The following NRXN3 variants were observed in gnomAD, a reference collection of about 807,000 sequenced individuals.
NRXN3 encodes the protein neurexin III.
A neutral mutation model predicts 137.6 loss-of-function variants in NRXN3; 32 were observed. The ratio of observed to expected loss-of-function variants is 0.23; its 90% CI spans 0.18 to 0.31. The LOEUF (loss-of-function observed/expected upper bound fraction) is 0.31, where lower values mean the gene tolerates loss of function less well. NRXN3 is among the 10% of genes least tolerant of loss of function. NRXN3 has a pLI of 1.00. For missense variants in NRXN3, 1,574 were observed against 2,062.5 expected, an observed-to-expected ratio of 0.76 and a Z score of 4.59; for synonymous variants, 798 against 784.5, an observed-to-expected ratio of 1.02 and a Z score of -0.29.
chr14:79,104,041 T>G (rs188873895), intron 15 of NRXN3, among the ~76,000 whole-genome samples: 3 of 152,294 alleles, frequency 2.0e-5, no homozygotes, highest in African/African-American at 7.2e-5. Context: ...TGCACAGATG[T>G]GCACATTTCA....
At chr14:79,860,807 A>G (rs1047099530) in intron 20 of NRXN3, among the ~76,000 whole-genome samples, 1 of 152,208 alleles carries the variant, frequency 6.6e-6, no homozygotes, top group Non-Finnish European at 1.5e-5. Flanking sequence ...TTATCTAAAT[A>G]ATTACTTGAG....
At chr14:78,886,355 C>T (rs2099143711) in intron 10 of NRXN3, among the ~76,000 whole-genome samples, 2 of 152,034 alleles carry the variant, frequency 1.3e-5, no homozygotes, top group South Asian at 4.1e-4. Flanking sequence ...GTGCCTGATA[C>T]AGAGTTCAGT....
At chr14:79,511,774 C>T (rs1383456868) in intron 16 of NRXN3, among the ~76,000 whole-genome samples, 2 of 152,188 alleles carry the variant, frequency 1.3e-5, no homozygotes, top group African/African-American at 4.8e-5. Flanking sequence ...CTTGCCTCAA[C>T]TGGATGAACT....
At chr14:78,756,930 T>C (rs2098671203) in intron 8 of NRXN3, among the ~76,000 whole-genome samples, 1 of 152,242 alleles carries the variant, frequency 6.6e-6, no homozygotes, top group Admixed American at 6.5e-5. Flanking sequence ...GCTGTTTAAG[T>C]GTTTAACAGG....
At chr14:78,384,594 A>G (rs984110740) in intron 4 of NRXN3, among the ~76,000 whole-genome samples, 1 of 152,178 alleles carries the variant, frequency 6.6e-6, no homozygotes, top group Non-Finnish European at 1.5e-5. Context: ...AACATGAAAA[A>G]TGTAGACCCA....
intron 1 of NRXN3, among the ~76,000 whole-genome samples, chr14:78,181,813 C>T (rs2059833787): frequency 6.6e-6 from 1 of 152,152 alleles, no homozygotes; most frequent in Non-Finnish European, 1.5e-5. Context: ...ACTCTCAGAG[C>T]TGGAAGGGAC....
At chr14:79,304,851 C>T (rs750325464) in intron 15 of NRXN3, among the ~76,000 whole-genome samples, 4 of 152,062 alleles carry the variant, frequency 2.6e-5, no homozygotes, top group Non-Finnish European at 4.4e-5. Context: ...CTTAACACCA[C>T]GCCTTCAATA....
chr14:79,168,929 C>T lies in NRXN3; in HGVS notation c.3262+180788C>T, dbSNP rs564850002. Reference sequence around the variant, plus strand: ...TACAAATTCCTCCAAGTTAAGGGAACATGGAGACTATGGGCACTTCTCTGA... The same window carrying T: ...TACAAATTCCTCCAAGTTAAGGGAATATGGAGACTATGGGCACTTCTCTGA... On this transcript the variant is annotated intron_variant, in intron 15 of 20. Transcript: ENST00000335750. 6.6e-4 allele frequency among the ~76,000 whole-genome samples: 101 copies of T among 152,170 alleles called. 1 individual carries two copies. The highest frequency in any genetic ancestry group is 2.3e-3 in the African/African-American group (95 of 41,544).
chr14:79,093,125 A>C (rs562803597), intron 15 of NRXN3, among the ~76,000 whole-genome samples: 22 of 152,202 alleles, frequency 1.4e-4, no homozygotes, highest in African/African-American at 5.1e-4. Flanking sequence ...TTGTCAAAGG[A>C]TACTACAGAT....
chr14:78,426,432 G>A (rs528141274), intron 4 of NRXN3, among the ~76,000 whole-genome samples: 2 of 152,320 alleles, frequency 1.3e-5, no homozygotes, highest in African/African-American at 4.8e-5. Flanking sequence ...TACTCTTCTA[G>A]GTTCCTGGCT....
intron 4 of NRXN3, among the ~76,000 whole-genome samples, chr14:78,456,952 T>C (rs2094752514): frequency 6.8e-6 from 1 of 147,410 alleles, no homozygotes; most frequent in Admixed American, 6.8e-5. Context: ...TTCCCTTCCC[T>C]TCCTTGCTTC....
intron 15 of NRXN3, among the ~76,000 whole-genome samples, chr14:79,372,890 C>T (rs1283586133): frequency 1.3e-5 from 2 of 152,020 alleles, no homozygotes; most frequent in African/African-American, 4.8e-5. Flanking sequence ...CATTAGTAGA[C>T]ATCATTGAGC....
intron 6 of NRXN3, among the ~76,000 whole-genome samples, chr14:78,656,709 G>A (rs546134569): frequency 6.6e-6 from 1 of 152,208 alleles, no homozygotes; most frequent in East Asian, 1.9e-4. Context: ...TTCCCCTGAT[G>A]TATGTTTTTG....
intron 15 of NRXN3, among the ~76,000 whole-genome samples, chr14:79,285,263 C>T (rs1472218214): frequency 1.3e-5 from 2 of 152,160 alleles, no homozygotes; most frequent in Non-Finnish European, 2.9e-5. Context: ...GCTTTCACCT[C>T]AGATTTTGAA....
chr14:79,351,039 T>A (rs750604607), intron 15 of NRXN3, among the ~76,000 whole-genome samples: 2 of 152,144 alleles, frequency 1.3e-5, no homozygotes, highest in African/African-American at 2.4e-5. Context: ...CAGTATATGC[T>A]AGAGGCAGGA....
intron 15 of NRXN3, among the ~76,000 whole-genome samples, chr14:79,289,019 T>C (rs1238561653): frequency 1.3e-5 from 2 of 152,118 alleles, no homozygotes; most frequent in Non-Finnish European, 2.9e-5. Flanking sequence ...CAGGAAGTTA[T>C]GCACCCTTCA....
chr14:79,079,067 G>T (rs990568381), intron 15 of NRXN3, among the ~76,000 whole-genome samples: 1 of 152,174 alleles, frequency 6.6e-6, no homozygotes, highest in South Asian at 2.1e-4. Context: ...CTCCTCAGGA[G>T]GCAACTCTGC....
chr14:79,119,297 GT>G (rs1267233032), intron 15 of NRXN3, among the ~76,000 whole-genome samples: 6 of 152,044 alleles, frequency 3.9e-5, no homozygotes, highest in African/African-American at 9.7e-5. Flanking sequence ...CTATTAAATA[GT>G]TGTTGCTTCT....
intron 8 of NRXN3, among the ~76,000 whole-genome samples, chr14:78,778,666 TTTTCTCTTTTCTTTTCTTTCTTTC>T (rs2098752684): frequency 6.7e-6 from 1 of 148,682 alleles, no homozygotes; most frequent in African/African-American, 2.4e-5. Context: ...TTTCCTTTTC[TTTTCTCTTTTCTTTTCTTTCTTTC>T]TTTCTTTCTT....
Sources: gnomAD v4.1 joint callset for allele counts (sites outside exome capture counted in the v4.1 genomes callset) on GRCh38, gnomAD v4.1.1 for gene constraint, MANE v1.5 for transcripts, NCBI Gene and HGNC (gene_info 2026-07-23, HGNC 2026-07-21) for gene names.